The following DENND5B variants were observed in gnomAD, a reference collection of about 807,000 sequenced individuals.
DENND5B encodes DENN domain containing 5B.
Under a neutral mutation model 140.6 loss-of-function variants are expected in DENND5B, and 34 were observed. The ratio of observed to expected loss-of-function variants is 0.24; its 90% CI spans 0.18 to 0.32. DENND5B has a LOEUF of 0.32. Among genes scored for constraint, DENND5B ranks in the 10% least tolerant of loss-of-function variants. The probability of loss-of-function intolerance (pLI) is 1.00; values close to 1 mark genes in which losing one functional copy is unlikely to be tolerated. For synonymous variants in DENND5B, 551 were observed against 562.1 expected (o/e 0.98, Z 0.28); for missense variants, 1,142 against 1,560.2 (o/e 0.73, Z 4.52).
intron 1 of DENND5B, among the ~76,000 whole-genome samples, chr12:31,559,665 T>C (rs1244691782): frequency 6.6e-6 from 1 of 152,160 alleles, no homozygotes; most frequent in African/African-American, 2.4e-5. Context: ...TTAGCAATTA[T>C]ACACTTGAAG....
intron 4 of DENND5B, among the ~76,000 whole-genome samples, chr12:31,455,726 A>C (rs1224676261): frequency 1.3e-5 from 2 of 152,214 alleles, no homozygotes; most frequent in Non-Finnish European, 2.9e-5. Flanking sequence ...TTCCTATTAA[A>C]AACAACAAAA....
intron 1 of DENND5B, among the ~76,000 whole-genome samples, chr12:31,558,185 CCAGA>C (rs1037442045): frequency 2.0e-5 from 3 of 152,170 alleles, no homozygotes; most frequent in Admixed American, 6.5e-5. Context: ...GTATCAAAGA[CCAGA>C]CAGTTTTATT....
intron 1 of DENND5B, among the ~76,000 whole-genome samples, chr12:31,523,097 C>T (rs1452388288): frequency 1.3e-5 from 2 of 148,560 alleles, no homozygotes; most frequent in East Asian, 3.9e-4. Context: ...CTCATTCTGT[C>T]GCCCAGGCTG....
intron 7 of DENND5B, among the ~76,000 whole-genome samples, chr12:31,435,552 T>G (rs1943707748): frequency 6.6e-6 from 1 of 152,234 alleles, no homozygotes; most frequent in African/African-American, 2.4e-5. Flanking sequence ...ACCTCTGATG[T>G]AAAAATTCTT....
At chr12:31,546,695 T>C (rs1301024827) in intron 1 of DENND5B, among the ~76,000 whole-genome samples, 2 of 151,852 alleles carry the variant, frequency 1.3e-5, no homozygotes, top group African/African-American at 4.8e-5. Flanking sequence ...CAAAAAATTT[T>C]TATTTCCAAG....
chr12:31,452,340 C>A lies in DENND5B; in HGVS notation c.1229G>T (p.Ser410Ile), dbSNP rs1260466432. Reference sequence around the variant, plus strand: ...GCTGGTACTCTCACTGCAATGTAGGCTGCCCTCAGGAGGGATCCCAAATTG... The same window carrying A: ...GCTGGTACTCTCACTGCAATGTAGGATGCCCTCAGGAGGGATCCCAAATTG... ...LVQFGIPPEG[S>I]LHCSESTSKL... Residue 410 changes from serine (S) to isoleucine (I), a missense_variant, in exon 5 of 21, where the codon AGC becomes ATC. Physicochemically the swap from Ser to Ile is moderately radical, Grantham distance 142 (BLOSUM62 -2). Coordinates refer to ENST00000389082, the MANE Select transcript of DENND5B (RefSeq NM_144973.4). The A allele has an allele frequency of 6.2e-7, 1 of 1,613,984 alleles. No homozygotes were observed. The highest frequency in any genetic ancestry group is 8.5e-7 in the Non-Finnish European group (1 of 1,179,894).
At chr12:31,467,740 G>A (rs1380474001) in intron 3 of DENND5B, among the ~76,000 whole-genome samples, 18 of 152,080 alleles carry the variant, frequency 1.2e-4, no homozygotes. Flanking sequence ...AGCCACAATG[G>A]GCATGGAGTT....
intron 6 of DENND5B, among the ~76,000 whole-genome samples, chr12:31,443,516 A>G (rs1173413787): frequency 2.0e-5 from 3 of 152,220 alleles, no homozygotes; most frequent in African/African-American, 7.2e-5. Context: ...TGAAAAGCCT[A>G]CAATTTTGTA....
intron 8 of DENND5B, among the ~76,000 whole-genome samples, chr12:31,431,834 A>G (rs950947346): frequency 6.6e-6 from 1 of 152,190 alleles, no homozygotes; most frequent in Admixed American, 6.5e-5. Context: ...TGTCAGCAGC[A>G]TAGAATTACT....
intron 1 of DENND5B, among the ~76,000 whole-genome samples, chr12:31,501,905 G>C (rs1288796287): frequency 6.6e-6 from 1 of 152,114 alleles, no homozygotes; most frequent in African/African-American, 2.4e-5. Flanking sequence ...AGGGGAAATT[G>C]TGTGTGTGGG....
intron 11 of DENND5B, among the ~76,000 whole-genome samples, chr12:31,419,686 AT>A (rs1247496135): frequency 6.6e-6 from 1 of 152,042 alleles, no homozygotes; most frequent in Admixed American, 6.6e-5. Flanking sequence ...TAAAAGCAGC[AT>A]TTCTGGCCAG....
chr12:31,423,247 T>C (rs940778032), intron 11 of DENND5B, among the ~76,000 whole-genome samples: 57 of 152,076 alleles, frequency 3.7e-4, no homozygotes, highest in African/African-American at 1.2e-3. Context: ...AGCATAAAAC[T>C]TGTAAGAAAA....
intron 1 of DENND5B, among the ~76,000 whole-genome samples, chr12:31,576,694 G>A (rs962789198): frequency 1.3e-5 from 2 of 151,618 alleles, no homozygotes; most frequent in Non-Finnish European, 2.9e-5. Context: ...ACCAGCTTGA[G>A]CAATAAAGCA....
intron 3 of DENND5B, among the ~76,000 whole-genome samples, chr12:31,475,306 A>G (rs1184798557): frequency 6.6e-6 from 1 of 151,986 alleles, no homozygotes; most frequent in Non-Finnish European, 1.5e-5. Flanking sequence ...TAGCTCTATA[A>G]TCTCAGGATT....
chr12:31,404,306 G>A (rs1283191664), intron 14 of DENND5B, among the ~76,000 whole-genome samples: 1 of 152,112 alleles, frequency 6.6e-6, no homozygotes, highest in Non-Finnish European at 1.5e-5. Context: ...TTTGTTTGTT[G>A]GTTTTCTAGA....
chr12:31,464,789 G>T (rs142762853), intron 3 of DENND5B, among the ~76,000 whole-genome samples: 1 of 151,956 alleles, frequency 6.6e-6, no homozygotes, highest in East Asian at 1.9e-4. Flanking sequence ...TTGAACTCCT[G>T]ACCTCAAGTG....
intron 8 of DENND5B, among the ~76,000 whole-genome samples, chr12:31,430,371 C>T (rs754690912): frequency 6.8e-4 from 103 of 150,456 alleles, no homozygotes; most frequent in Non-Finnish European, 1.1e-3. Context: ...TAACCACTGT[C>T]GGCTGGTCAA....
At chr12:31,454,261 C>G (rs893941783) in intron 4 of DENND5B, among the ~76,000 whole-genome samples, 1 of 152,042 alleles carries the variant, frequency 6.6e-6, no homozygotes, top group Non-Finnish European at 1.5e-5. Flanking sequence ...ATGAAGAAAC[C>G]GAGGCCCAAG....
chr12:31,517,827 A>C (rs1947721672), intron 1 of DENND5B, among the ~76,000 whole-genome samples: 1 of 152,206 alleles, frequency 6.6e-6, no homozygotes, highest in Non-Finnish European at 1.5e-5. Context: ...TGGGAGTCTA[A>C]GAAGTCAAAT....
Sources: allele counts gnomAD v4.1 joint callset (sites outside exome capture counted in the v4.1 genomes callset), GRCh38; gene constraint gnomAD v4.1.1; transcripts MANE v1.5; gene names NCBI Gene and HGNC (gene_info 2026-07-23, HGNC 2026-07-21).